Variants in GMPR observed in about 807,000 individuals in gnomAD.
The protein encoded by GMPR is guanosine monophosphate reductase.
A neutral mutation model predicts 38.4 loss-of-function variants in GMPR; 31 were observed. The ratio of observed to expected loss-of-function variants is 0.81; its 90% CI spans 0.61 to 1.09. GMPR has a LOEUF of 1.09. Ranked by LOEUF, GMPR falls within the 50% of genes least tolerant of loss-of-function variation. GMPR has a pLI of 0.00. For synonymous variants in GMPR, 162 were observed against 173.3 expected (o/e 0.93, Z 0.51); for missense variants, 468 against 453.7 (o/e 1.03, Z -0.29).
At chr6:16,247,137 T>G (rs1305268937) in intron 2 of GMPR, among the ~76,000 whole-genome samples, 176 bp downstream of exon 2, 1 of 152,130 alleles carries the variant, frequency 6.6e-6, no homozygotes, top group Non-Finnish European at 1.5e-5. Flanking sequence ...TTGGGTTCAA[T>G]GAGAAGGTCT....
intron 4 of GMPR, among the ~76,000 whole-genome samples, chr6:16,266,604 C>T (rs565023769): frequency 3.3e-5 from 5 of 151,552 alleles, no homozygotes; most frequent in South Asian, 4.2e-4. Context: ...AGATCATAAC[C>T]ATCCTGGCTA....
rs953904667 is a variant in GMPR, at chr6:16,294,947, T to G, written c.858-59T>G. ...GTGCTGGAGCTGGGAGTAATTCTAA[T>G]TGGGCTCTTAAGGTGGGGCGGGAAA... On this transcript the variant is annotated intron_variant, in intron 8 of 8. Coordinates refer to ENST00000259727, the MANE Select transcript of GMPR (RefSeq NM_006877.4). 2.9e-6 allele frequency: 4 copies of G among 1,368,088 alleles called. No homozygotes were observed. In the South Asian group the frequency reaches 4.8e-5, roughly 16 times the overall value. 84.7% of individuals were successfully genotyped at this position (1,368,088 alleles called of 1,614,324 possible). A position where few individuals can be genotyped will look rare whatever the true frequency, so the allele number is the denominator to read the frequency against.
chr6:16,283,052 G>C (rs1441796657), intron 6 of GMPR, among the ~76,000 whole-genome samples: 2 of 151,970 alleles, frequency 1.3e-5, no homozygotes, highest in Non-Finnish European at 2.9e-5. Flanking sequence ...TAGGTGATCT[G>C]CCTGCCTCAG....
intron 6 of GMPR, among the ~76,000 whole-genome samples, chr6:16,284,371 T>G (rs1437093979): frequency 6.6e-6 from 1 of 152,208 alleles, no homozygotes; most frequent in East Asian, 1.9e-4. Flanking sequence ...TTCCCTGCTC[T>G]CCAACTCCAG....
intron 4 of GMPR, among the ~76,000 whole-genome samples, chr6:16,271,469 A>G (rs1041767429): frequency 1.3e-5 from 2 of 152,220 alleles, no homozygotes; most frequent in Non-Finnish European, 2.9e-5. Flanking sequence ...CTGGGAGACA[A>G]GAGTGAGACC....
intron 4 of GMPR, among the ~76,000 whole-genome samples, chr6:16,266,681 G>A (rs891614048): frequency 1.3e-5 from 2 of 150,706 alleles, no homozygotes; most frequent in Admixed American, 6.6e-5. Context: ...CGCAGTGGCG[G>A]GCGCCTGTAG....
chr6:16,291,657 T>G (rs941364791), intron 8 of GMPR, among the ~76,000 whole-genome samples: 2 of 152,158 alleles, frequency 1.3e-5, no homozygotes, highest in Admixed American at 1.3e-4. Flanking sequence ...ATGCTTGTAA[T>G]CCCAGTGCTT....
At chr6:16,271,171 G>A (rs1226006799) in intron 4 of GMPR, among the ~76,000 whole-genome samples, 1 of 151,872 alleles carries the variant, frequency 6.6e-6, no homozygotes, top group Non-Finnish European at 1.5e-5. Context: ...CGCCAGATTG[G>A]GGAAAAGAAA....
Position 16,278,809 on chromosome 6 carries a change from GACGGGAGTGGGGT to G in GMPR, c.576_588del (p.Gly193ProfsTer3). The stretch of plus-strand genomic sequence containing the variant: ...GTTCTGTGTGCACCACCCGCACCAA[GACGGGAGTGGGGT>G]ACCCCCAGCTGAGTGCCGTCATTGA... On this transcript the variant is annotated frameshift_variant, in exon 6 of 9. Coordinates refer to ENST00000259727, the MANE Select transcript of GMPR (RefSeq NM_006877.4). LOFTEE classifies it high-confidence loss of function. 1 of 1,614,028 alleles carries G rather than the reference GACGGGAGTGGGGT, an allele frequency of 6.2e-7. No homozygotes were observed. Among genetic ancestry groups the G allele is most frequent in the South Asian group, 1.1e-5 (1 of 91,078 alleles).
chr6:16,263,771 G>A lies in GMPR; in HGVS notation c.465+9036G>A, dbSNP rs192338591. Among the ~76,000 whole-genome samples the A allele has an allele frequency of 8.9e-3, 1,215 of 136,730 alleles. 10 individuals are homozygous for A. Among genetic ancestry groups the A allele is most frequent in the Non-Finnish European group, 0.016 (1,016 of 62,906 alleles). 89.7% of individuals were successfully genotyped at this position (136,730 alleles called of 152,430 possible). The stretch of plus-strand genomic sequence containing the variant: ...TAAGAGGTCAGGGCACAGAAATAAG[G>A]GATTGGGGTGCAGAGATAGGTCAGG... On this transcript the variant is annotated intron_variant, in intron 4 of 8. Coordinates refer to ENST00000259727, the MANE Select transcript of GMPR (RefSeq NM_006877.4).
rs754493907 is a variant in GMPR, at chr6:16,246,823, C to A, written c.88-19C>A. 6.4e-7 allele frequency: 1 copy of A among 1,571,008 alleles called. No homozygotes were observed. Among genetic ancestry groups the A allele is most frequent in the Non-Finnish European group, 8.7e-7 (1 of 1,151,536 alleles). ...CACTCATTTCTTTCCCTTTTTCTTT[C>A]TTTTTTTTTGGCCAACAGGTGGATC... On this transcript the variant is annotated intron_variant, in intron 1 of 8. Transcript: ENST00000259727.
intron 4 of GMPR, among the ~76,000 whole-genome samples, chr6:16,268,855 A>G (rs192502914): frequency 1.9e-4 from 28 of 150,316 alleles, no homozygotes; most frequent in Non-Finnish European, 3.5e-4. Flanking sequence ...CTAAAAACTT[A>G]TTTACTAACA....
At chr6:16,241,706 A>T (rs1391886940) in intron 1 of GMPR, among the ~76,000 whole-genome samples, 1 of 152,218 alleles carries the variant, frequency 6.6e-6, no homozygotes, top group Non-Finnish European at 1.5e-5. Flanking sequence ...TGGCTCTAAC[A>T]TTCTACTCTA....
At chr6:16,243,652 A>G (rs1758695882) in intron 1 of GMPR, among the ~76,000 whole-genome samples, 1 of 152,304 alleles carries the variant, frequency 6.6e-6, no homozygotes, top group East Asian at 1.9e-4. Context: ...GAATTGCTTT[A>G]CTCGGTACCA....
Position 16,278,135 on chromosome 6 carries a change from C to T in GMPR, c.548-649C>T, listed in dbSNP as rs549759833. On this transcript the variant is annotated intron_variant, in intron 5 of 8. Transcript: ENST00000259727. ...AGGCTGCAAGGGACTTGAGGTGGGG[C>T]AGCCAGGAGGGAGATGGACAAACAG... is the stretch of plus-strand genomic sequence containing the variant. Among the ~76,000 whole-genome samples, 44 of 152,198 alleles carry T rather than the reference C, an allele frequency of 2.9e-4. 1 individual carries two copies. The East Asian group carries it at 8.5e-3, about 29-fold the overall frequency.
chr6:16,274,986 G>C (rs148609325), intron 5 of GMPR, among the ~76,000 whole-genome samples: 1 of 152,132 alleles, frequency 6.6e-6, no homozygotes. Flanking sequence ...CACCTGATAC[G>C]TATTAGATGT....
At chr6:16,292,926 A>C (rs1480310963) in intron 8 of GMPR, among the ~76,000 whole-genome samples, 1 of 152,236 alleles carries the variant, frequency 6.6e-6, no homozygotes. Context: ...CAAATCTTTA[A>C]CAGGGAAGGA....
Position 16,268,149 on chromosome 6 carries a change from A to G in GMPR, c.466-6266A>G, listed in dbSNP as rs964222571. On this transcript the variant is annotated intron_variant, in intron 4 of 8. Coordinates refer to ENST00000259727, the MANE Select transcript of GMPR (RefSeq NM_006877.4). ...TTCCCTGGATTTTCTGTATTCACCCACTTTCTGGAACCATGGCTGAAAGCT... is the reference window on the plus strand; with the variant it reads ...TTCCCTGGATTTTCTGTATTCACCCGCTTTCTGGAACCATGGCTGAAAGCT... Among the ~76,000 whole-genome samples, 9 of 152,152 alleles carry G rather than the reference A, an allele frequency of 5.9e-5. No individual in the cohort carries two copies. In the East Asian group the frequency reaches 1.7e-3, roughly 29 times the overall value.
chr6:16,243,719 T>A (rs576909159), intron 1 of GMPR, among the ~76,000 whole-genome samples: 1 of 152,166 alleles, frequency 6.6e-6, no homozygotes, highest in Admixed American at 6.5e-5. Context: ...CCCCCCAAAT[T>A]GCATCCCTCC....
Sources: gnomAD v4.1 joint callset for allele counts (sites outside exome capture counted in the v4.1 genomes callset) on GRCh38, gnomAD v4.1.1 for gene constraint, MANE v1.5 for transcripts, NCBI Gene and HGNC (gene_info 2026-07-23, HGNC 2026-07-21) for gene names.